WIPF3: variants seen among roughly 807,000 people sequenced by gnomAD.
WIPF3 encodes WAS/WASL interacting protein family member 3, also known as WAS/WASL-interacting protein family member 3.
A neutral mutation model predicts 38.9 loss-of-function variants in WIPF3; 33 were observed. The ratio of observed to expected loss-of-function variants is 0.85; its 90% confidence interval spans 0.64 to 1.14. WIPF3 has a LOEUF of 1.14. Ranked by LOEUF, WIPF3 falls within the 50% of genes most tolerant of loss-of-function variation. WIPF3 has a pLI of 0.00. For missense variants in WIPF3, 711 were observed against 652.5 expected (o/e 1.09, Z -0.98); for synonymous variants, 324 against 269.3 (o/e 1.20, Z -1.99).
intron 1 of WIPF3, among the ~76,000 whole-genome samples, chr7:29,830,551 T>G (rs1583594313): frequency 1.5e-5 from 2 of 137,682 alleles, no homozygotes; most frequent in East Asian, 2.1e-4. Flanking sequence ...ACCCAGGAGG[T>G]GGAGGTTGCA....
In WIPF3 at chr7:29,889,286, T is replaced by G. The variant is rs2128077376; in HGVS notation, c.1250-20T>G. The G allele has an allele frequency of 1.9e-6, 3 of 1,601,640 alleles. No homozygotes were observed. The highest frequency in any genetic ancestry group is 2.6e-6 in the Non-Finnish European group (3 of 1,169,142). Reference sequence around the variant, plus strand: ...CATGACAGTAACCTGAGTAACTCTTTCCATTTCGCTTGTGTGCAGATGACT... The same window carrying G: ...CATGACAGTAACCTGAGTAACTCTTGCCATTTCGCTTGTGTGCAGATGACT... On this transcript the variant is annotated intron_variant, in intron 6 of 8. Coordinates refer to ENST00000242140, the MANE Select transcript of WIPF3 (RefSeq NM_001080529.3).
In WIPF3 at chr7:29,914,764, G is replaced by C; in HGVS notation, c.*248G>C. ...TTGCATCTTGGCATTTGTCAGCACA[G>C]ATAGAGCCCTGTCCCTCCACCTAGT... On this transcript the variant is annotated 3_prime_UTR_variant, in exon 9 of 9. Transcript: ENST00000242140. The C allele has an allele frequency of 3.2e-6, 1 of 308,464 alleles. No homozygotes were observed. The highest frequency in any genetic ancestry group is 2.2e-5 in the African/African-American group (1 of 45,946). 19.1% of individuals were successfully genotyped at this position (308,464 alleles called of 1,614,324 possible).
chr7:29,884,768 C>T (rs75418804), intron 5 of WIPF3, among the ~76,000 whole-genome samples, 175 bp downstream of exon 5: 4,887 of 152,318 alleles, frequency 0.032, 105 homozygotes, highest in Middle Eastern at 0.068. Context: ...GCCTTGATCC[C>T]CTGCCCTTAC....
Position 29,829,264 on chromosome 7 carries a change from G to A in WIPF3, c.-57-5404G>A, listed in dbSNP as rs188200031. ...GTCTTGCTCTGTTGCCCAGGCTGGG[G>A]TGCAGTGGCGCAATCTAGGCTCACT... On this transcript the variant is annotated intron_variant, in intron 1 of 8. Coordinates refer to ENST00000242140, the MANE Select transcript of WIPF3 (RefSeq NM_001080529.3). Among the ~76,000 whole-genome samples, 744 of 145,088 alleles carry A rather than the reference G, an allele frequency of 5.1e-3. 5 individuals are homozygous for A. Among genetic ancestry groups the A allele is most frequent in the African/African-American group, 0.017 (683 of 39,320 alleles).
chr7:29,819,005 A>G (rs1431706918), intron 1 of WIPF3, among the ~76,000 whole-genome samples: 1 of 152,132 alleles, frequency 6.6e-6, no homozygotes, highest in Non-Finnish European at 1.5e-5. Flanking sequence ...AATTCTGTTC[A>G]TTTATGCTTA....
intron 3 of WIPF3, among the ~76,000 whole-genome samples, chr7:29,877,817 G>T (rs796550687): frequency 6.6e-6 from 1 of 152,140 alleles, no homozygotes; most frequent in African/African-American, 2.4e-5. Flanking sequence ...TTAGACTTGG[G>T]TCCCATTCCC....
chr7:29,829,172 C>T (rs1784675865), intron 1 of WIPF3, among the ~76,000 whole-genome samples: 1 of 151,168 alleles, frequency 6.6e-6, no homozygotes, highest in Non-Finnish European at 1.5e-5. Flanking sequence ...TCCCTTAGCA[C>T]TCTCTACCTC....
chr7:29,811,523 C>T (rs1218763355), intron 1 of WIPF3, among the ~76,000 whole-genome samples: 1 of 152,134 alleles, frequency 6.6e-6, no homozygotes, highest in Admixed American at 6.5e-5. Context: ...AGCTTCCCAG[C>T]AGCCAAAACA....
intron 4 of WIPF3, among the ~76,000 whole-genome samples, chr7:29,883,363 C>A (rs1785762841): frequency 6.6e-6 from 1 of 152,166 alleles, no homozygotes; most frequent in Non-Finnish European, 1.5e-5. Context: ...CTGCTCTCAA[C>A]ACAGAAACAA....
rs1479086150 is a variant in WIPF3 at position 29,884,537 on chromosome 7, C to G, written c.1043C>G (p.Pro348Arg). The G allele has an allele frequency of 6.3e-7, 1 of 1,597,882 alleles. No individual in the cohort carries two copies. The highest frequency in any genetic ancestry group is 1.7e-5 in the Admixed American group (1 of 58,184). Residue 348 changes from proline (P) to arginine (R), a missense_variant, in exon 5 of 9, where the codon CCG becomes CGG. Coordinates refer to ENST00000242140, the MANE Select transcript of WIPF3 (RefSeq NM_001080529.3). Reference sequence around the variant, plus strand: ...GCCGGTGCGCAGGCCTTGCCCGCCCCGCCTGCCCCTCCGGGCTCCCAGCCG... The same window carrying G: ...GCCGGTGCGCAGGCCTTGCCCGCCCGGCCTGCCCCTCCGGGCTCCCAGCCG... Reference protein sequence around the residue: ...QKAGAQALPAPPAPPGSQPFL... With the variant: ...QKAGAQALPARPAPPGSQPFL...
At chr7:29,851,122 G>A (rs985218108) in intron 2 of WIPF3, among the ~76,000 whole-genome samples, 2 of 152,088 alleles carry the variant, frequency 1.3e-5, no homozygotes, top group African/African-American at 4.8e-5. Context: ...AAACCCTCCT[G>A]TGTCGTATTA....
At chr7:29,807,483 C>G (rs1784301130) in intron 1 of WIPF3, among the ~76,000 whole-genome samples, 2 of 152,200 alleles carry the variant, frequency 1.3e-5, no homozygotes, top group African/African-American at 4.8e-5. Context: ...CGCCCTGGAC[C>G]TGGAGGAGCG....
intron 6 of WIPF3, among the ~76,000 whole-genome samples, chr7:29,888,498 TGCGTGTGTGTGC>T (rs1785934087): frequency 5.2e-5 from 2 of 38,564 alleles, no homozygotes; most frequent in African/African-American, 1.3e-4. Flanking sequence ...TGTGTGCGTG[TGCGTGTGTGTGC>T]GTGTGTGTGT....
intron 1 of WIPF3, among the ~76,000 whole-genome samples, chr7:29,827,150 C>G (rs569352686): frequency 6.6e-6 from 1 of 152,258 alleles, no homozygotes; most frequent in East Asian, 1.9e-4. Flanking sequence ...CAGATTTCCC[C>G]CAATCCTGTT....
chr7:29,857,043 G>A (rs553821419), intron 2 of WIPF3, among the ~76,000 whole-genome samples: 3 of 152,256 alleles, frequency 2.0e-5, no homozygotes, highest in Non-Finnish European at 1.5e-5. Flanking sequence ...ATTCATTGTA[G>A]CAAAGAATGT....
At chr7:29,849,617 G>A (rs174948) in intron 2 of WIPF3, among the ~76,000 whole-genome samples, 80,078 of 152,038 alleles carry the variant, frequency 0.53, 22,719 homozygotes, top group East Asian at 0.79. Flanking sequence ...ATTTCAGAAG[G>A]TGGTGAGGGG....
At chr7:29,877,785 A>G (rs917144) in intron 3 of WIPF3, among the ~76,000 whole-genome samples, 17,048 of 152,298 alleles carry the variant, frequency 0.11, 1,057 homozygotes, top group Middle Eastern at 0.2. Flanking sequence ...AAAGGTACAT[A>G]TGAAACAAAT....
intron 4 of WIPF3, among the ~76,000 whole-genome samples, chr7:29,880,059 A>G (rs1785684504): frequency 6.6e-6 from 1 of 152,244 alleles, no homozygotes; most frequent in South Asian, 2.1e-4. Context: ...GTCTGTAATC[A>G]GTCTACCTCA....
chr7:29,883,281 T>C (rs530067028), intron 4 of WIPF3, among the ~76,000 whole-genome samples: 1 of 152,342 alleles, frequency 6.6e-6, no homozygotes, highest in Admixed American at 6.5e-5. Flanking sequence ...TTCAAGGTCA[T>C]TGGACCTGGG....
Sources: gnomAD v4.1 joint callset for allele counts (sites outside exome capture counted in the v4.1 genomes callset) on GRCh38, gnomAD v4.1.1 for gene constraint, MANE v1.5 for transcripts, NCBI Gene and HGNC (gene_info 2026-07-23, HGNC 2026-07-21) for gene names.